The following MCC variants were observed in gnomAD, a reference collection of about 807,000 sequenced individuals.
MCC encodes MCC regulator of Wnt signaling pathway, also known as colorectal mutant cancer protein.
Under a neutral mutation model 116.2 loss-of-function variants are expected in MCC, and 90 were observed. The ratio of observed to expected loss-of-function variants is 0.77; its 90% CI spans 0.65 to 0.92. The LOEUF (loss-of-function observed/expected upper bound fraction) is 0.92, where lower values mean the gene tolerates loss of function less well. Among genes scored for constraint, MCC ranks in the 40% least tolerant of loss-of-function variants. The probability of loss-of-function intolerance (pLI) is 0.00; values close to 1 mark genes in which losing one functional copy is unlikely to be tolerated. For missense variants in MCC, 1,516 were observed against 1,312.2 expected (o/e 1.16, Z -2.40); for synonymous variants, 578 against 510.5 (o/e 1.13, Z -1.78).
chr5:113,097,616 G>C (rs1008470012), intron 8 of MCC, among the ~76,000 whole-genome samples: 1 of 152,162 alleles, frequency 6.6e-6, no homozygotes, highest in Non-Finnish European at 1.5e-5. Flanking sequence ...ACCAAGGGGA[G>C]GTAGAGTGGG....
intron 2 of MCC, among the ~76,000 whole-genome samples, chr5:113,342,218 A>C (rs1353176575): frequency 6.6e-6 from 1 of 152,038 alleles, no homozygotes; most frequent in East Asian, 1.9e-4. Context: ...TATATACCAC[A>C]TTTTCTTTAT....
chr5:113,327,561 A>ATATATATATATATATATAT (rs1554076392), intron 3 of MCC, among the ~76,000 whole-genome samples: 55 of 80,492 alleles, frequency 6.8e-4, no homozygotes, highest in Non-Finnish European at 9.2e-4. Context: ...AAAAAAAAAA[A>ATATATATATATATATATAT]ATATATATAT....
intron 1 of MCC, among the ~76,000 whole-genome samples, chr5:113,481,799 A>G (rs903943304): frequency 6.6e-6 from 1 of 152,194 alleles, no homozygotes; most frequent in East Asian, 1.9e-4. Flanking sequence ...TATATAATTC[A>G]TATACCATAA....
intron 3 of MCC, among the ~76,000 whole-genome samples, chr5:113,211,814 G>C (rs1050917840): frequency 6.6e-6 from 1 of 152,148 alleles, no homozygotes; most frequent in African/African-American, 2.4e-5. Context: ...TAGCACACTT[G>C]AATGAAGACA....
chr5:113,232,437 T>C (rs1389156765), intron 3 of MCC, among the ~76,000 whole-genome samples: 1 of 152,152 alleles, frequency 6.6e-6, no homozygotes, highest in Non-Finnish European at 1.5e-5. Flanking sequence ...TGAGTCAACA[T>C]GTCCACACCC....
chr5:113,111,588 T>G (rs1034137018), intron 6 of MCC, among the ~76,000 whole-genome samples: 1 of 152,214 alleles, frequency 6.6e-6, no homozygotes, highest in South Asian at 2.1e-4. Flanking sequence ...TATTCCCACA[T>G]TTAATATTAG....
At chr5:113,161,175 A>AAAAT (rs1458330538) in intron 3 of MCC, among the ~76,000 whole-genome samples, 2 of 152,242 alleles carry the variant, frequency 1.3e-5, no homozygotes, top group Non-Finnish European at 2.9e-5. Context: ...AAACACAGAC[A>AAAAT]AAATAAAGAC....
chr5:113,075,279 A>G (rs1193367662), intron 11 of MCC, among the ~76,000 whole-genome samples: 1 of 152,214 alleles, frequency 6.6e-6, no homozygotes, highest in Non-Finnish European at 1.5e-5. Context: ...CCCGCGGAGC[A>G]GGGCTTGGGA....
chr5:113,206,028 C>T (rs2150321218), intron 3 of MCC, among the ~76,000 whole-genome samples: 1 of 152,372 alleles, frequency 6.6e-6, no homozygotes, highest in South Asian at 2.1e-4. Context: ...CTGGCATCTG[C>T]AGTGAGCAGT....
chr5:113,108,331 T>TAAA (rs56780207), intron 6 of MCC, among the ~76,000 whole-genome samples: 92 of 42,736 alleles, frequency 2.2e-3, no homozygotes, highest in African/African-American at 5.0e-3. Flanking sequence ...CACTCTATCT[T>TAAA]AAAAAAAAAA....
At position 113,053,919 on chromosome 5, in the gene MCC, T is replaced by C. The variant is rs767945756; in HGVS notation, c.2254A>G (p.Thr752Ala). 6 of 1,613,776 alleles carry C rather than the reference T, an allele frequency of 3.7e-6. No individual in the cohort carries two copies. The South Asian group carries it at 5.5e-5, about 15-fold the overall frequency. Reference protein sequence around the residue: ...STASSCDTEFTKEDEQRLKDY... With the variant: ...STASSCDTEFAKEDEQRLKDY... The stretch of plus-strand genomic sequence containing the variant: ...TTCAGCCTCTGCTCGTCTTCTTTAG[T>C]GAACTCGGTGTCGCAACTACTGGCT... Residue 752 changes from threonine (T) to alanine (A), a missense_variant, in exon 15 of 19, where the codon ACT becomes GCT. Thr to Ala is a moderately conservative substitution (Grantham distance 58). Transcript: ENST00000408903.
At chr5:113,292,011 C>G (rs749863095) in intron 3 of MCC, among the ~76,000 whole-genome samples, 13 of 152,172 alleles carry the variant, frequency 8.5e-5, no homozygotes, top group Non-Finnish European at 1.9e-4. Flanking sequence ...AGGCGGATCT[C>G]TTTAGGCCAG....
intron 3 of MCC, among the ~76,000 whole-genome samples, chr5:113,325,413 G>C (rs11741176): frequency 6.6e-6 from 1 of 150,960 alleles, no homozygotes; most frequent in East Asian, 1.9e-4. Flanking sequence ...TTCATTACTC[G>C]GGCTTCTCGC....
chr5:113,229,237 G>C (rs1475791667), intron 3 of MCC, among the ~76,000 whole-genome samples: 1 of 152,178 alleles, frequency 6.6e-6, no homozygotes, highest in African/African-American at 2.4e-5. Context: ...AAACAGCCAA[G>C]AGACAGCTGT....
intron 1 of MCC, among the ~76,000 whole-genome samples, chr5:113,408,439 C>G (rs1769895143): frequency 6.6e-6 from 1 of 151,734 alleles, no homozygotes; most frequent in Admixed American, 6.6e-5. Flanking sequence ...TTAAACACTA[C>G]AAACTTTAAA....
intron 1 of MCC, among the ~76,000 whole-genome samples, chr5:113,438,165 G>A (rs879857358): frequency 3.9e-5 from 6 of 152,160 alleles, no homozygotes; most frequent in Admixed American, 6.5e-5. Context: ...AGTGACCTGT[G>A]TTTCTTTCCC....
intron 1 of MCC, among the ~76,000 whole-genome samples, chr5:113,431,174 G>T (rs1770629656): frequency 6.6e-6 from 1 of 152,082 alleles, no homozygotes; most frequent in African/African-American, 2.4e-5. Flanking sequence ...ATGGGAGAGA[G>T]TTGAGAAGAG....
chr5:113,270,910 A>AT (rs1554072670), intron 3 of MCC, among the ~76,000 whole-genome samples: 12 of 151,496 alleles, frequency 7.9e-5, no homozygotes, highest in Non-Finnish European at 1.3e-4. Flanking sequence ...CCCTGCAAAA[A>AT]ATATATATAT....
intron 2 of MCC, among the ~76,000 whole-genome samples, chr5:113,355,755 C>T (rs937653359): frequency 1.4e-4 from 22 of 152,062 alleles, no homozygotes; most frequent in African/African-American, 5.1e-4. Flanking sequence ...CATAAGGCTC[C>T]ACCCCACGAT....
Sources: gnomAD v4.1 joint callset for allele counts (sites outside exome capture counted in the v4.1 genomes callset) on GRCh38, gnomAD v4.1.1 for gene constraint, MANE v1.5 for transcripts, NCBI Gene and HGNC (gene_info 2026-07-23, HGNC 2026-07-21) for gene names.